The following TRAPPC9 variants were observed in gnomAD, a reference collection of about 807,000 sequenced individuals.
TRAPPC9 encodes the protein IKK2 binding protein.
TRAPPC9 carries 83 observed loss-of-function variants against 124.0 expected under a neutral mutation model. The ratio of observed to expected loss-of-function variants is 0.67; its 90% CI spans 0.56 to 0.80. The LOEUF is 0.80. Among genes scored for constraint, TRAPPC9 ranks in the 30% least tolerant of loss-of-function variants. TRAPPC9 has a pLI of 0.00. For missense variants in TRAPPC9, 1,302 were observed against 1,508.3 expected, an observed-to-expected ratio of 0.86 and a Z score of 2.27; for synonymous variants, 638 against 617.5, an observed-to-expected ratio of 1.03 and a Z score of -0.49.
chr8:139,938,259 C>G (rs1257113976), intron 19 of TRAPPC9, among the ~76,000 whole-genome samples: 1 of 152,186 alleles, frequency 6.6e-6, no homozygotes, highest in Non-Finnish European at 1.5e-5. Flanking sequence ...GAAAACCACA[C>G]AGTCAGTGGG....
intron 4 of TRAPPC9, among the ~76,000 whole-genome samples, chr8:140,427,102 T>TG (rs1015053495): frequency 6.7e-5 from 10 of 150,336 alleles, no homozygotes; most frequent in African/African-American, 2.4e-4. Context: ...ATTTTTTTTT[T>TG]TTTTTTGTAT....
intron 17 of TRAPPC9, among the ~76,000 whole-genome samples, chr8:140,122,027 C>T (rs184705248): frequency 2.2e-5 from 3 of 138,730 alleles, no homozygotes; most frequent in African/African-American, 3.4e-5. Context: ...CTTTCTTTCT[C>T]TCTCTCTCTC....
intron 17 of TRAPPC9, among the ~76,000 whole-genome samples, chr8:140,037,311 C>T (rs370274777): frequency 4.0e-5 from 6 of 151,766 alleles, no homozygotes; most frequent in Admixed American, 6.6e-5. Context: ...CAGTGCCTGG[C>T]GTTTGGAAAG....
chr8:140,277,031 T>C (rs552310318), intron 14 of TRAPPC9, among the ~76,000 whole-genome samples: 1 of 152,208 alleles, frequency 6.6e-6, no homozygotes, highest in East Asian at 1.9e-4. Context: ...AATGCCCAGC[T>C]CCTCCTGGCC....
chr8:140,219,142 C>T (rs765778633), intron 17 of TRAPPC9, among the ~76,000 whole-genome samples: 3 of 152,058 alleles, frequency 2.0e-5, no homozygotes, highest in Non-Finnish European at 2.9e-5. Context: ...CCCCAGTTAC[C>T]CCAGTGAAAC....
At chr8:139,988,874 C>G (rs1400423793) in intron 18 of TRAPPC9, 38 bp from the exon 19 acceptor site, 1 of 1,358,824 alleles carries the variant, frequency 7.4e-7, no homozygotes, top group South Asian at 1.2e-5. Flanking sequence ...AATCCTCTGA[C>G]AGCCAAAGAG....
At chr8:140,444,908 C>G (rs2071187222) in intron 2 of TRAPPC9, among the ~76,000 whole-genome samples, 1 of 151,202 alleles carries the variant, frequency 6.6e-6, no homozygotes, top group Non-Finnish European at 1.5e-5. Context: ...CTCCAGTCTC[C>G]TGGTCACAGC....
chr8:140,171,230 T>G (rs547531371), intron 17 of TRAPPC9, among the ~76,000 whole-genome samples: 10 of 152,280 alleles, frequency 6.6e-5, no homozygotes, highest in Admixed American at 3.9e-4. Flanking sequence ...CTTAATATTC[T>G]TATGCATAAA....
chr8:140,120,570 ACATCCATCCATCCATT>A (rs1393094725), intron 17 of TRAPPC9, among the ~76,000 whole-genome samples: 2 of 149,958 alleles, frequency 1.3e-5, no homozygotes, highest in African/African-American at 4.9e-5. Context: ...CATCCATCCA[ACATCCATCCATCCATT>A]CATCCATCCA....
In TRAPPC9 at chr8:140,275,700, A is replaced by G. The variant is rs890970869; in HGVS notation, c.2236T>C (p.Leu746=). ...IKLENIGMEP[L]EKLEVTSKVL... ...TTCGAGGTGACCTCCAGTTTCTCCAATGGTTCCATTCCAATATTTTCCAAT... is the reference window on the plus strand; with the variant it reads ...TTCGAGGTGACCTCCAGTTTCTCCAGTGGTTCCATTCCAATATTTTCCAAT... Residue 746 remains leucine (L), a synonymous_variant, in exon 15 of 23, where the codon TTG becomes CTG. Transcript: ENST00000438773. 5 of 1,614,214 alleles carry G rather than the reference A, an allele frequency of 3.1e-6. No individual in the cohort carries two copies. Among genetic ancestry groups the G allele is most frequent in the Admixed American group, 3.3e-5 (2 of 60,026 alleles).
chr8:139,730,758 T>G lies in TRAPPC9; in HGVS notation c.*303A>C, dbSNP rs1586717074. 2 of 437,470 alleles carry G rather than the reference T, an allele frequency of 4.6e-6. No homozygotes were observed. The highest frequency in any genetic ancestry group is 4.2e-6 in the Non-Finnish European group (1 of 237,832). 27.1% of individuals were successfully genotyped at this position (437,470 alleles called of 1,614,324 possible). ...TGGGGCCCCAGGTCACAGAAATGGG[T>G]GCAGGGATCCTGGGACCTGGGCTGG... On this transcript the variant is annotated 3_prime_UTR_variant, in exon 23 of 23. Coordinates refer to ENST00000438773, the MANE Select transcript of TRAPPC9 (RefSeq NM_001160372.4).
rs574345587 is a variant in TRAPPC9 at position 140,085,148 on chromosome 8, A to G, written c.2557-61069T>C. 4.0e-5 allele frequency among the ~76,000 whole-genome samples: 6 copies of G among 151,778 alleles called. 1 individual carries two copies. In the South Asian group the frequency reaches 1.3e-3, roughly 32 times the overall value. On this transcript the variant is annotated intron_variant, in intron 17 of 22. Coordinates refer to ENST00000438773, the MANE Select transcript of TRAPPC9 (RefSeq NM_001160372.4). ...CCTTTTGCAAACCTCATGCCCCATGACTCTTTGAAAAAGAGAGTTCCCCGA... is the reference window on the plus strand; with the variant it reads ...CCTTTTGCAAACCTCATGCCCCATGGCTCTTTGAAAAAGAGAGTTCCCCGA...
chr8:140,328,242 G>T (rs1007262707), intron 9 of TRAPPC9, among the ~76,000 whole-genome samples: 1 of 152,022 alleles, frequency 6.6e-6, no homozygotes, highest in Non-Finnish European at 1.5e-5. Context: ...GCGAAAGAGC[G>T]AAAGTCCGTC....
intron 17 of TRAPPC9, among the ~76,000 whole-genome samples, chr8:140,117,001 C>T (rs1379693383): frequency 6.6e-6 from 1 of 152,052 alleles, no homozygotes; most frequent in Admixed American, 6.6e-5. Flanking sequence ...CCAGAGCATC[C>T]GGCCACAGGC....
chr8:139,992,211 T>C (rs1006270971), intron 18 of TRAPPC9, among the ~76,000 whole-genome samples: 1 of 152,046 alleles, frequency 6.6e-6, no homozygotes, highest in Non-Finnish European at 1.5e-5. Flanking sequence ...TAGAAATAAA[T>C]CTAACAAAAT....
chr8:140,254,332 G>A (rs561086764), intron 15 of TRAPPC9, among the ~76,000 whole-genome samples: 1 of 152,286 alleles, frequency 6.6e-6, no homozygotes, highest in East Asian at 1.9e-4. Context: ...CCTCCCTGGG[G>A]AGCCGGGGGC....
In TRAPPC9 at chr8:140,018,327, T is replaced by TTTTC. The variant is rs1425629934; in HGVS notation, c.2699+5609_2699+5610insGAAA. Among the ~76,000 whole-genome samples, 930 of 108,458 alleles carry TTTTC rather than the reference T, an allele frequency of 8.6e-3. 113 individuals carry two copies. Among genetic ancestry groups the TTTTC allele is most frequent in the African/African-American group, 0.026 (884 of 34,538 alleles). The allele number at this position is 108,458 out of a possible 152,430, so 71.2% of individuals were successfully genotyped here. ...CTGGTATATAGAAACGTAAGTGATT[T>TTTTC]TTTTTTTTTTTTTTGAGACGGAGTC... On this transcript the variant is annotated intron_variant, in intron 18 of 22. Coordinates refer to ENST00000438773, the MANE Select transcript of TRAPPC9 (RefSeq NM_001160372.4).
intron 21 of TRAPPC9, among the ~76,000 whole-genome samples, chr8:139,737,498 G>C (rs1409559432): frequency 8.3e-6 from 1 of 120,888 alleles, no homozygotes; most frequent in African/African-American, 3.1e-5. Flanking sequence ...CCTGAGTCTG[G>C]TGTCTGGGTG....
intron 21 of TRAPPC9, among the ~76,000 whole-genome samples, chr8:139,831,569 T>C (rs886278106): frequency 6.6e-6 from 1 of 152,192 alleles, no homozygotes; most frequent in African/African-American, 2.4e-5. Flanking sequence ...GGCATAGACC[T>C]GGACTCCTAC....
Sources: gnomAD v4.1 joint callset for allele counts (sites outside exome capture counted in the v4.1 genomes callset) on GRCh38, gnomAD v4.1.1 for gene constraint, MANE v1.5 for transcripts, NCBI Gene and HGNC (gene_info 2026-07-23, HGNC 2026-07-21) for gene names.